Variants in PPFIA1 observed in about 807,000 individuals in gnomAD.
PPFIA1 encodes liprin-alpha-1.
Under a neutral mutation model 149.9 loss-of-function variants are expected in PPFIA1, and 25 were observed. The observed-to-expected ratio is 0.17, with a 90% CI of 0.12 to 0.23. PPFIA1 has a LOEUF of 0.23. Among genes scored for constraint, PPFIA1 ranks in the 10% least tolerant of loss-of-function variants. The pLI is 1.00. For synonymous variants in PPFIA1, 549 were observed against 552.8 expected (o/e 0.99, Z 0.10); for missense variants, 1,362 against 1,506.5 (o/e 0.90, Z 1.59).
At chr11:70,343,459 C>T (rs938372826) in intron 14 of PPFIA1, among the ~76,000 whole-genome samples, 33 of 152,152 alleles carry the variant, frequency 2.2e-4, no homozygotes, top group African/African-American at 4.8e-4. Context: ...CATGTTAGGG[C>T]GTTAATATCA....
At chr11:70,369,917 A>G (rs2057141701) in intron 21 of PPFIA1, among the ~76,000 whole-genome samples, 1 of 148,566 alleles carries the variant, frequency 6.7e-6, no homozygotes, top group Admixed American at 6.7e-5. Context: ...AGTTACCGAC[A>G]TGGCCACCAT....
In PPFIA1 at chr11:70,372,298, C is replaced by T. The variant is rs139065454; in HGVS notation, c.2949C>T (p.Tyr983=). The T allele has an allele frequency of 5.1e-5, 83 of 1,614,236 alleles. No individual in the cohort carries two copies. The African/African-American group carries it at 8.7e-4, about 17-fold the overall frequency. ...PSLGLPQYRS[Y]FMECLVDARM... ...TGGGCCTCCCCCAGTACCGCAGCTA[C>T]TTCATGGAGTGCCTTGTAGACGCCA... Residue 983 remains tyrosine, a synonymous_variant, in exon 22 of 28, where the codon TAC becomes TAT. Coordinates refer to ENST00000253925, the MANE Select transcript of PPFIA1 (RefSeq NM_003626.5).
intron 15 of PPFIA1, among the ~76,000 whole-genome samples, chr11:70,347,437 G>A (rs1470008447): frequency 1.3e-5 from 2 of 152,218 alleles, no homozygotes; most frequent in African/African-American, 2.4e-5. Flanking sequence ...GGTGGCTCAT[G>A]CCAGTAATCC....
rs763892087 is a variant in PPFIA1, at chr11:70,374,990, A to G, written c.3212A>G (p.Asn1071Ser). ...LSIGLKEYANNLIESGVHGAL... is the reference protein window; with the variant it reads ...LSIGLKEYANSLIESGVHGAL... ...ATTGGCCTTAAAGAATATGCAAACA[A>G]TCTTATAGAGAGTGGTGTTCACGGA... is the stretch of plus-strand genomic sequence containing the variant. Residue 1071 changes from asparagine to serine, a missense_variant, in exon 24 of 28, where the codon AAT (asparagine) becomes AGT (serine). Transcript: ENST00000253925. 6.8e-6 allele frequency: 11 copies of G among 1,613,742 alleles called. No individual in the cohort carries two copies. Among genetic ancestry groups the G allele is most frequent in the South Asian group, 4.4e-5 (4 of 91,042 alleles).
intron 2 of PPFIA1, among the ~76,000 whole-genome samples, chr11:70,294,251 C>A (rs1194622597): frequency 5.3e-5 from 8 of 152,108 alleles, no homozygotes. Flanking sequence ...CTGCACAGTT[C>A]TTTTGTTGCA....
At chr11:70,382,018 C>A in intron 26 of PPFIA1, 70 bp from the exon 27 acceptor site, 1 of 1,361,390 alleles carries the variant, frequency 7.3e-7, no homozygotes, top group South Asian at 1.2e-5. Context: ...TCTACTTGTG[C>A]CCTCATGTGA....
At chr11:70,277,951 G>A (rs1484184116) in intron 2 of PPFIA1, among the ~76,000 whole-genome samples, 4 of 151,770 alleles carry the variant, frequency 2.6e-5, no homozygotes, top group African/African-American at 7.3e-5. Flanking sequence ...TCGCTCTGTC[G>A]CCGGTCTGGA....
chr11:70,285,499 G>C (rs917764657), intron 2 of PPFIA1, among the ~76,000 whole-genome samples: 7 of 151,968 alleles, frequency 4.6e-5, no homozygotes, highest in Non-Finnish European at 8.8e-5. Context: ...GGCCAACATG[G>C]TGAAACCCTG....
chr11:70,314,295 C>T (rs561535103), intron 2 of PPFIA1, among the ~76,000 whole-genome samples: 2 of 152,162 alleles, frequency 1.3e-5, no homozygotes, highest in Non-Finnish European at 1.5e-5. Flanking sequence ...AAGCAGCAGG[C>T]GCTGGAGACA....
intron 2 of PPFIA1, among the ~76,000 whole-genome samples, chr11:70,275,633 A>G (rs1371724169): frequency 6.6e-6 from 1 of 152,162 alleles, no homozygotes; most frequent in Non-Finnish European, 1.5e-5. Flanking sequence ...ATGGATATCT[A>G]GTTGACCTTG....
chr11:70,339,070 G>T (rs2055150258), intron 13 of PPFIA1, 101 bp from the exon 14 acceptor site: 1 of 1,414,396 alleles, frequency 7.1e-7, no homozygotes, highest in African/African-American at 1.4e-5. Flanking sequence ...ACCCTTTCCT[G>T]TGTGGAATAA....
intron 2 of PPFIA1, among the ~76,000 whole-genome samples, chr11:70,318,199 C>T (rs538234354): frequency 1.7e-4 from 26 of 152,310 alleles, no homozygotes; most frequent in Admixed American, 9.2e-4. Context: ...GCTGCCTACC[C>T]GTCCTCTCTT....
chr11:70,328,313 A>G (rs1311181148), intron 7 of PPFIA1, among the ~76,000 whole-genome samples: 1 of 152,104 alleles, frequency 6.6e-6, no homozygotes. Flanking sequence ...GCTCCCACTT[A>G]TAAGTGAGAA....
chr11:70,278,926 G>C (rs1400060417), intron 2 of PPFIA1: 1 of 610,652 alleles, frequency 1.6e-6, no homozygotes. Context: ...ACAGTCTGCT[G>C]TTGTCCTTTC....
rs1380857828 is a variant in PPFIA1, at chr11:70,326,702, C to A, written c.814C>A (p.Arg272Ser). 1 of 1,613,954 alleles carries A rather than the reference C, an allele frequency of 6.2e-7. No homozygotes were observed. Among genetic ancestry groups the A allele is most frequent in the South Asian group, 1.1e-5 (1 of 91,072 alleles). Residue 272 changes from arginine to serine, a missense_variant, in exon 7 of 28, where the codon CGC becomes AGC. Transcript: ENST00000253925. Reference protein sequence around the residue: ...QSREQSQMKERLASLSSHVTE... With the variant: ...QSREQSQMKESLASLSSHVTE... ...AAGGGAACAGAGCCAAATGAAAGAA[C>A]GCCTGGCTTCCCTTTCCAGTCATGT...
At chr11:70,294,273 A>T (rs968642444) in intron 2 of PPFIA1, among the ~76,000 whole-genome samples, 2 of 152,138 alleles carry the variant, frequency 1.3e-5, no homozygotes, top group Non-Finnish European at 2.9e-5. Context: ...ATTGTAGAGA[A>T]AGGTAAACTT....
intron 2 of PPFIA1, among the ~76,000 whole-genome samples, chr11:70,296,726 GGAGGGA>G (rs549908419): frequency 0.016 from 2,182 of 137,526 alleles, 38 homozygotes; most frequent in Non-Finnish European, 0.025. Context: ...GAGAGGGAGA[GGAGGGA>G]GAGGGAGAGG....
chr11:70,368,989 C>T (rs2057097006), intron 21 of PPFIA1, among the ~76,000 whole-genome samples: 1 of 149,384 alleles, frequency 6.7e-6, no homozygotes, highest in Admixed American at 6.7e-5. Flanking sequence ...AGGGTCTCAC[C>T]ATGTTGCCCA....
At chr11:70,311,667 C>CT (rs2053288767) in intron 2 of PPFIA1, among the ~76,000 whole-genome samples, 1 of 152,050 alleles carries the variant, frequency 6.6e-6, no homozygotes, top group African/African-American at 2.4e-5. Context: ...TTGAATGGCA[C>CT]TTTTGATGGT....
Sources: allele counts gnomAD v4.1 joint callset (sites outside exome capture counted in the v4.1 genomes callset), GRCh38; gene constraint gnomAD v4.1.1; transcripts MANE v1.5; gene names NCBI Gene and HGNC (gene_info 2026-07-23, HGNC 2026-07-21).